Variants in PLD5 observed in about 807,000 individuals in gnomAD.
The protein encoded by PLD5 is inactive phospholipase D5.
A neutral mutation model predicts 61.1 loss-of-function variants in PLD5; 36 were observed. That is an observed-to-expected ratio of 0.59 (90% CI 0.45 to 0.78). The LOEUF (loss-of-function observed/expected upper bound fraction) is 0.78. Ranked by LOEUF, PLD5 falls within the 30% of genes least tolerant of loss-of-function variation. The pLI, the probability that PLD5 is intolerant of heterozygous loss-of-function variation, is 0.00. For synonymous variants in PLD5, 243 were observed against 242.8 expected, an observed-to-expected ratio of 1.00 and a Z score of -0.01; for missense variants, 515 against 644.4, an observed-to-expected ratio of 0.80 and a Z score of 2.17.
rs905989055 is a variant in PLD5 at position 242,183,763 on chromosome 1, G to A, written c.735+36225C>T. On this transcript the variant is annotated intron_variant, in intron 5 of 9. Transcript: ENST00000536534. ...CAAAAAATTAGGCAGGCGTGGTGGC[G>A]GGCCCCTGTAGTCCCAGCTACTGGG... Among the ~76,000 whole-genome samples, 16 of 144,172 alleles carry A rather than the reference G, an allele frequency of 1.1e-4. No homozygotes were observed. The South Asian group carries it at 1.3e-3, about 12-fold the overall frequency. The allele number at this position is 144,172 out of a possible 152,430, so 94.6% of individuals were successfully genotyped here. A position where few individuals can be genotyped will look rare whatever the true frequency, so the allele number is the denominator to read the frequency against.
At chr1:242,172,031 C>T (rs1355005951) in intron 5 of PLD5, among the ~76,000 whole-genome samples, 2 of 151,938 alleles carry the variant, frequency 1.3e-5, no homozygotes, top group African/African-American at 4.8e-5. Context: ...TCCAAGCGGA[C>T]CTAATAGACA....
intron 5 of PLD5, among the ~76,000 whole-genome samples, chr1:242,190,147 T>TG (rs1668163228): frequency 7.6e-6 from 1 of 132,224 alleles, no homozygotes; most frequent in Admixed American, 7.5e-5. Context: ...CCTTTTTTTT[T>TG]TTTTTTTTTT....
At chr1:242,225,768 C>CCATT (rs1266264171) in intron 4 of PLD5, among the ~76,000 whole-genome samples, 3 of 152,238 alleles carry the variant, frequency 2.0e-5, no homozygotes, top group Non-Finnish European at 4.4e-5. Context: ...GTTTGCTTAT[C>CCATT]CATTCTCCAG....
chr1:242,419,883 C>G (rs955203380), intron 1 of PLD5, among the ~76,000 whole-genome samples: 3 of 152,150 alleles, frequency 2.0e-5, no homozygotes, highest in African/African-American at 7.2e-5. Context: ...ATTCTATCAG[C>G]CAGCTTTTAA....
intron 1 of PLD5, among the ~76,000 whole-genome samples, chr1:242,522,221 T>G (rs1249907811): frequency 3.3e-5 from 5 of 152,226 alleles, no homozygotes; most frequent in African/African-American, 1.2e-4. Context: ...AGAATGATTT[T>G]TTTAAAAATG....
intron 8 of PLD5, among the ~76,000 whole-genome samples, chr1:242,106,883 T>C (rs1661098247): frequency 6.6e-6 from 1 of 152,016 alleles, no homozygotes. Flanking sequence ...AGAAGAGTGT[T>C]GTAGGCAGAG....
chr1:242,185,238 T>C (rs1667794769), intron 5 of PLD5, among the ~76,000 whole-genome samples: 1 of 152,132 alleles, frequency 6.6e-6, no homozygotes, highest in East Asian at 1.9e-4. Context: ...TGAATAATGC[T>C]TTGTTTGCCA....
intron 3 of PLD5, among the ~76,000 whole-genome samples, chr1:242,283,655 T>C (rs2149130797): frequency 6.6e-6 from 1 of 152,282 alleles, no homozygotes; most frequent in East Asian, 1.9e-4. Flanking sequence ...TTAAAGAAAA[T>C]TTAAATTTGT....
At position 242,265,797 on chromosome 1, in the gene PLD5, G is replaced by C. The variant is rs373997120; in HGVS notation, c.496-349C>G. On this transcript the variant is annotated intron_variant, in intron 3 of 9. Transcript: ENST00000536534. ...TTAAGCAGTTGTGTTTTGGCCCAAA[G>C]AGACCTGGATTCCAGCTGGTTTTCC... is the stretch of plus-strand genomic sequence containing the variant. 4.6e-5 allele frequency among the ~76,000 whole-genome samples: 7 copies of C among 152,330 alleles called. No individual in the cohort carries two copies. The South Asian group carries it at 1.4e-3, about 32-fold the overall frequency.
At chr1:242,251,081 G>C (rs988199963) in intron 4 of PLD5, among the ~76,000 whole-genome samples, 9 of 152,144 alleles carry the variant, frequency 5.9e-5, no homozygotes, top group African/African-American at 2.2e-4. Flanking sequence ...GGTGGGGGTG[G>C]TGCATCCATT....
At chr1:242,358,922 G>T (rs1374215390) in intron 1 of PLD5, among the ~76,000 whole-genome samples, 1 of 152,106 alleles carries the variant, frequency 6.6e-6, no homozygotes, top group African/African-American at 2.4e-5. Flanking sequence ...CACCACCAGT[G>T]GGTAGGGAAA....
chr1:242,142,693 G>A (rs1197986149), intron 5 of PLD5, among the ~76,000 whole-genome samples: 1 of 150,880 alleles, frequency 6.6e-6, no homozygotes, highest in Non-Finnish European at 1.5e-5. Flanking sequence ...TACAAATGCT[G>A]TAAGGTGTAG....
At chr1:242,114,587 T>C (rs1661795472) in intron 6 of PLD5, among the ~76,000 whole-genome samples, 1 of 152,214 alleles carries the variant, frequency 6.6e-6, no homozygotes, top group African/African-American at 2.4e-5. Context: ...GCTTCATCTG[T>C]ATTTACAGCC....
At chr1:242,480,903 G>A (rs997020827) in intron 1 of PLD5, among the ~76,000 whole-genome samples, 1 of 152,170 alleles carries the variant, frequency 6.6e-6, no homozygotes, top group Non-Finnish European at 1.5e-5. Flanking sequence ...TAATACTGGG[G>A]AGTGTAAAAT....
At chr1:242,324,409 G>A (rs1392316811) in intron 2 of PLD5, among the ~76,000 whole-genome samples, 58 of 152,242 alleles carry the variant, frequency 3.8e-4, no homozygotes, top group Admixed American at 7.2e-4. Flanking sequence ...CATACTTTGC[G>A]TGAAATCACC....
chr1:242,289,518 T>G (rs946854105), intron 2 of PLD5, among the ~76,000 whole-genome samples: 9 of 152,010 alleles, frequency 5.9e-5, no homozygotes, highest in East Asian at 1.9e-4. Flanking sequence ...CTGGCTAACT[T>G]TTTTTTGTGT....
At chr1:242,152,571 G>A (rs1404532490) in intron 5 of PLD5, among the ~76,000 whole-genome samples, 1 of 146,084 alleles carries the variant, frequency 6.8e-6, no homozygotes, top group Non-Finnish European at 1.5e-5. Flanking sequence ...TGTTCTCATT[G>A]TTCAACTCCA....
At chr1:242,414,128 A>G (rs1205487218) in intron 1 of PLD5, among the ~76,000 whole-genome samples, 1 of 152,238 alleles carries the variant, frequency 6.6e-6, no homozygotes, top group East Asian at 1.9e-4. Flanking sequence ...ATAGGAACGC[A>G]TGAGAAGGCT....
intron 2 of PLD5, among the ~76,000 whole-genome samples, chr1:242,328,118 T>C (rs1295880176): frequency 2.6e-5 from 4 of 152,112 alleles, no homozygotes; most frequent in African/African-American, 9.7e-5. Context: ...TAACAAGGAA[T>C]AAAGATGTAA....
Sources: gnomAD v4.1 joint callset for allele counts (sites outside exome capture counted in the v4.1 genomes callset) on GRCh38, gnomAD v4.1.1 for gene constraint, MANE v1.5 for transcripts, NCBI Gene and HGNC (gene_info 2026-07-23, HGNC 2026-07-21) for gene names.